Variants in BLK observed in about 807,000 individuals in gnomAD.
The protein encoded by BLK is BLK proto-oncogene, Src family tyrosine kinase.
A neutral mutation model predicts 61.8 loss-of-function variants in BLK; 64 were observed. The ratio of observed to expected loss-of-function variants is 1.03; its 90% CI spans 0.85 to 1.27. The LOEUF is 1.27. Among genes scored for constraint, BLK ranks in the 50% most tolerant of loss-of-function variants. The pLI, the probability that BLK is intolerant of heterozygous loss-of-function variation, is 0.00. For missense variants in BLK, 853 were observed against 660.5 expected, an observed-to-expected ratio of 1.29 and a Z score of -3.19; for synonymous variants, 351 against 272.0, an observed-to-expected ratio of 1.29 and a Z score of -2.86.
intron 1 of BLK, among the ~76,000 whole-genome samples, chr8:11,524,122 T>C (rs1325673058): frequency 1.3e-5 from 2 of 152,222 alleles, no homozygotes; most frequent in African/African-American, 4.8e-5. Context: ...CCATTAGTGA[T>C]TAAATAAATT....
chr8:11,560,422 G>A, intron 10 of BLK: 1 of 232,596 alleles, frequency 4.3e-6, no homozygotes, highest in Non-Finnish European at 8.5e-6. Flanking sequence ...TGGATAGATG[G>A]ATGGATTCAT....
In BLK at chr8:11,564,214, C is replaced by A. The variant is rs1329704145; in HGVS notation, c.*106C>A. The A allele has an allele frequency of 2.2e-6, 3 of 1,354,210 alleles. No individual in the cohort carries two copies. Among genetic ancestry groups the A allele is most frequent in the Non-Finnish European group, 3.0e-6 (3 of 985,046 alleles). 83.9% of individuals were successfully genotyped at this position (1,354,210 alleles called of 1,614,324 possible). A position where few individuals can be genotyped will look rare whatever the true frequency, so the allele number is the denominator to read the frequency against. On this transcript the variant is annotated 3_prime_UTR_variant, in exon 13 of 13. Transcript: ENST00000259089. ...GGCGGGGTGTCGCCTGTGCCCTTTT[C>A]TCAGACCCGGAATCCAGTGGGCAGA... is the stretch of plus-strand genomic sequence containing the variant.
intron 1 of BLK, among the ~76,000 whole-genome samples, chr8:11,496,992 G>C (rs1393447969): frequency 6.6e-6 from 1 of 152,126 alleles, no homozygotes; most frequent in Non-Finnish European, 1.5e-5. Context: ...CTGGCTTGCA[G>C]GGTTCACGTG....
In BLK at chr8:11,554,707, C is replaced by T. The variant is rs773325006; in HGVS notation, c.473-36C>T. The T allele has an allele frequency of 9.9e-6, 16 of 1,609,084 alleles. No individual in the cohort carries two copies. In the East Asian group the frequency reaches 2.2e-4, roughly 22 times the overall value. ...CCCAGTCCCGTTTTTTGTCTTTGTG[C>T]CTTACTTCTCGTGTGTGTCTTCATG... On this transcript the variant is annotated intron_variant, in intron 6 of 12. Transcript: ENST00000259089.
At chr8:11,561,483 C>T in intron 11 of BLK, 31 bp downstream of exon 11, 1 of 1,609,982 alleles carries the variant, frequency 6.2e-7, no homozygotes, top group South Asian at 1.1e-5. Context: ...CAAGGGAAAC[C>T]TAGGGCCTTA....
intron 11 of BLK, among the ~76,000 whole-genome samples, chr8:11,562,512 G>T (rs1457907399): frequency 6.6e-6 from 1 of 152,188 alleles, no homozygotes; most frequent in Non-Finnish European, 1.5e-5. Context: ...AGGGCAGCCG[G>T]ATGTGAGTTC....
chr8:11,536,851 T>C (rs549209855), intron 1 of BLK, among the ~76,000 whole-genome samples: 2 of 152,360 alleles, frequency 1.3e-5, no homozygotes, highest in South Asian at 2.1e-4. Context: ...CACAAAACAC[T>C]TTACCCAGGC....
chr8:11,499,033 A>T (rs1041381766), intron 1 of BLK, among the ~76,000 whole-genome samples: 1 of 152,230 alleles, frequency 6.6e-6, no homozygotes, highest in Non-Finnish European at 1.5e-5. Context: ...CAAAAGAGAA[A>T]GTAAATTTAG....
At chr8:11,562,878 G>T in intron 11 of BLK, 101 bp from the exon 12 acceptor site, 4 of 1,556,892 alleles carry the variant, frequency 2.6e-6, no homozygotes, top group South Asian at 1.2e-5. Context: ...CCCCGCAGTG[G>T]GGGCTTGATG....
Position 11,547,210 on chromosome 8 carries a change from G to A in BLK, c.176-822G>A, listed in dbSNP as rs1474077174. Among the ~76,000 whole-genome samples the A allele has an allele frequency of 2.0e-5, 3 of 152,364 alleles. No individual in the cohort carries two copies. The South Asian group carries it at 6.2e-4, about 32-fold the overall frequency. On this transcript the variant is annotated intron_variant, in intron 3 of 12. Coordinates refer to ENST00000259089, the MANE Select transcript of BLK (RefSeq NM_001715.3). ...TCAGAATCTGTCACACTTGTGAGCA[G>A]AACCTGAATCTTAAAACTTCAGGGA...
intron 1 of BLK, among the ~76,000 whole-genome samples, chr8:11,506,660 G>A (rs865954372): frequency 1.3e-5 from 2 of 152,166 alleles, no homozygotes; most frequent in Non-Finnish European, 2.9e-5. Context: ...TAAGTTCTGG[G>A]AGCCTCATGA....
At chr8:11,549,512 G>A (rs187269164) in intron 5 of BLK, among the ~76,000 whole-genome samples, 115 of 152,318 alleles carry the variant, frequency 7.5e-4, no homozygotes, top group African/African-American at 2.5e-3. Flanking sequence ...GCGTTGTTCA[G>A]AACTGATTAA....
At chr8:11,510,545 TG>T (rs1310119919) in intron 1 of BLK, among the ~76,000 whole-genome samples, 1 of 152,154 alleles carries the variant, frequency 6.6e-6, no homozygotes, top group Admixed American at 6.5e-5. Flanking sequence ...ATAGGGATAG[TG>T]TCTGTAGTTC....
At chr8:11,544,913 A>G (rs1800557101) in intron 2 of BLK, among the ~76,000 whole-genome samples, 2 of 152,218 alleles carry the variant, frequency 1.3e-5, no homozygotes, top group East Asian at 3.8e-4. Context: ...GACAAGAAAG[A>G]GACTCGTTCC....
chr8:11,558,268 G>C (rs143344302), intron 10 of BLK, among the ~76,000 whole-genome samples: 1 of 152,334 alleles, frequency 6.6e-6, no homozygotes, highest in Non-Finnish European at 1.5e-5. Flanking sequence ...CCAGGGAATG[G>C]AGCCTTAGAC....
chr8:11,512,455 C>A (rs1450217507), intron 1 of BLK, among the ~76,000 whole-genome samples: 1 of 152,214 alleles, frequency 6.6e-6, no homozygotes. Context: ...GAAAGCCCAA[C>A]AGTTCTAATC....
At chr8:11,542,843 C>T (rs1292427286) in intron 1 of BLK, among the ~76,000 whole-genome samples, 1 of 152,134 alleles carries the variant, frequency 6.6e-6, no homozygotes, top group African/African-American at 2.4e-5. Context: ...AGTGACACAG[C>T]CAGAGACAAA....
At chr8:11,505,257 A>G (rs1442969134) in intron 1 of BLK, among the ~76,000 whole-genome samples, 1 of 152,222 alleles carries the variant, frequency 6.6e-6, no homozygotes, top group African/African-American at 2.4e-5. Context: ...TAGTCACTTG[A>G]GTATCATCCT....
At chr8:11,542,309 A>C (rs1800415324) in intron 1 of BLK, among the ~76,000 whole-genome samples, 1 of 152,260 alleles carries the variant, frequency 6.6e-6, no homozygotes, top group African/African-American at 2.4e-5. Context: ...AATTGATGAA[A>C]TATGGTGTGT....
Sources: gnomAD v4.1 joint callset for allele counts (sites outside exome capture counted in the v4.1 genomes callset) on GRCh38, gnomAD v4.1.1 for gene constraint, MANE v1.5 for transcripts, NCBI Gene and HGNC (gene_info 2026-07-23, HGNC 2026-07-21) for gene names.